The following POM121C variants were observed in gnomAD, a reference collection of about 807,000 sequenced individuals.
POM121C encodes nuclear envelope pore membrane protein POM 121C.
POM121C carries 20 observed loss-of-function variants against 66.4 expected under a neutral mutation model. The ratio of observed to expected loss-of-function variants is 0.30; its 90% CI spans 0.21 to 0.44. POM121C has a LOEUF of 0.44. Ranked by LOEUF, POM121C falls within the 20% of genes least tolerant of loss-of-function variation. The pLI is 1.00. For synonymous variants in POM121C, 286 were observed against 528.0 expected (o/e 0.54, Z 6.28); for missense variants, 580 against 1,225.7 (o/e 0.47, Z 7.87).
chr7:75,417,359 T>TA lies in POM121C; in HGVS notation c.*1436dup, dbSNP rs1169027590. 4 of 864,040 alleles carry TA rather than the reference T, an allele frequency of 4.6e-6. No homozygotes were observed. Among genetic ancestry groups the TA allele is most frequent in the Non-Finnish European group, 5.6e-6 (4 of 718,936 alleles). The allele number at this position is 864,040 out of a possible 1,614,324, so 53.5% of individuals were successfully genotyped here. A position where few individuals can be genotyped will look rare whatever the true frequency, so the allele number is the denominator to read the frequency against. ...GCTAATTCCTAGTTAATAGCATTTA[T>TA]ACTTAACCACCTCAATGAACCAAGC... is the stretch of plus-strand genomic sequence containing the variant. On this transcript the variant is annotated 3_prime_UTR_variant, in exon 15 of 15. Transcript: ENST00000615331.
intron 3 of POM121C, among the ~76,000 whole-genome samples, chr7:75,454,704 G>C (rs1475145336): frequency 1.3e-5 from 2 of 152,238 alleles, no homozygotes; most frequent in Non-Finnish European, 2.9e-5. Flanking sequence ...AGGAAGACTG[G>C]AAAAAAGAAC....
chr7:75,424,193 G>T lies in POM121C; in HGVS notation c.904C>A (p.Pro302Thr), dbSNP rs236666. The change falls in exon 12 of 15, where the codon CCT becomes ACT. Residue 302 changes from proline to threonine, a missense_variant. Transcript: ENST00000615331. ...AAGGTAAATGAAGGCTGAGTGGTAG[G>T]TGGGGTCTCAGTGACAGAGTTCGAG... ...AASNSVTETP[P>T]TTQPSFTFTL... The T allele has an allele frequency of 0.015, 24,712 of 1,612,014 alleles. 251 individuals carry two copies. Among genetic ancestry groups the T allele is most frequent in the Non-Finnish European group, 0.016 (19,324 of 1,179,860 alleles).
intron 1 of POM121C, among the ~76,000 whole-genome samples, chr7:75,479,579 G>A (rs1309226379): frequency 1.4e-5 from 2 of 146,044 alleles, no homozygotes; most frequent in Non-Finnish European, 2.9e-5. Context: ...TAGCACCCCT[G>A]CACTCCAGCC....
At chr7:75,419,189 A>G in intron 14 of POM121C, 131 bp downstream of exon 14, 1 of 1,400,590 alleles carries the variant, frequency 7.1e-7, no homozygotes, top group Non-Finnish European at 9.5e-7. Context: ...GCTGTGCTGT[A>G]CTCCTAACCC....
chr7:75,432,171 C>T (rs1236285254), intron 7 of POM121C, among the ~76,000 whole-genome samples: 6 of 111,142 alleles, frequency 5.4e-5, no homozygotes, highest in Non-Finnish European at 1.0e-4. Flanking sequence ...GGTGACAGAG[C>T]GAGAATCTGT....
At chr7:75,482,347 G>A (rs10244237) in intron 1 of POM121C, among the ~76,000 whole-genome samples, 2,329 of 152,280 alleles carry the variant, frequency 0.015, 18 homozygotes, top group African/African-American at 0.025. Flanking sequence ...AGGCTAAAGT[G>A]AAAGGACTGC....
At chr7:75,427,827 A>T (rs1260620811) in intron 7 of POM121C, among the ~76,000 whole-genome samples, 1 of 152,220 alleles carries the variant, frequency 6.6e-6, no homozygotes, top group Non-Finnish European at 1.5e-5. Flanking sequence ...TAAGAGTTCA[A>T]AAAGGGAAAA....
In POM121C at chr7:75,421,462, G is replaced by C. The variant is rs1248251062; in HGVS notation, c.2743+47C>G. On this transcript the variant is annotated intron_variant, in intron 13 of 14. Transcript: ENST00000615331. The stretch of plus-strand genomic sequence containing the variant: ...CGAGACCACAGGCTTCACAGGCACA[G>C]CTTTTCAGTGTCCGGCCCGGTAGCC... The C allele has an allele frequency of 2.5e-6, 4 of 1,610,072 alleles. No individual in the cohort carries two copies. The Admixed American group carries it at 6.7e-5, about 27-fold the overall frequency.
chr7:75,461,091 A>G (rs1584697502), intron 3 of POM121C, among the ~76,000 whole-genome samples: 1 of 152,250 alleles, frequency 6.6e-6, no homozygotes, highest in South Asian at 2.1e-4. Flanking sequence ...AAAAGTAACA[A>G]AAGGGGAGCT....
intron 10 of POM121C, 61 bp downstream of exon 10, chr7:75,425,013 C>T (rs1364265323): frequency 1.9e-5 from 29 of 1,532,802 alleles, no homozygotes; most frequent in Admixed American, 4.5e-5. Flanking sequence ...TTGTCCTTAG[C>T]GTTCCTAAGA....
chr7:75,458,010 T>C (rs1166390900), intron 3 of POM121C, among the ~76,000 whole-genome samples: 2 of 152,300 alleles, frequency 1.3e-5, no homozygotes, highest in Non-Finnish European at 2.9e-5. Context: ...TATTTTCGCA[T>C]TGAAAATCAG....
intron 7 of POM121C, among the ~76,000 whole-genome samples, chr7:75,432,184 C>CAAAAAAAAAAAAAAAAAAAAAAA (rs57890055): frequency 9.3e-6 from 1 of 107,748 alleles, no homozygotes; most frequent in Non-Finnish European, 1.9e-5. Context: ...GAATCTGTCT[C>CAAAAAAAAAAAAAAAAAAAAAAA]AAAAAAAAAA....
At chr7:75,477,978 TTTTTTGA>T (rs1792155195) in intron 1 of POM121C, among the ~76,000 whole-genome samples, 1 of 152,158 alleles carries the variant, frequency 6.6e-6, no homozygotes, top group African/African-American at 2.4e-5. Context: ...TTGTTTTTTG[TTTTTTGA>T]GATGAAGTCT....
intron 3 of POM121C, among the ~76,000 whole-genome samples, chr7:75,457,806 A>G (rs1791290564): frequency 6.6e-6 from 1 of 152,248 alleles, no homozygotes; most frequent in Non-Finnish European, 1.5e-5. Flanking sequence ...TCCTAATATA[A>G]CGTCGTGTAC....
At chr7:75,452,823 C>T (rs1256525067) in intron 3 of POM121C, among the ~76,000 whole-genome samples, 1 of 152,306 alleles carries the variant, frequency 6.6e-6, no homozygotes, top group African/African-American at 2.4e-5. Flanking sequence ...TCTCTTCACC[C>T]TCTTCCCTGA....
chr7:75,464,885 A>G (rs1420921421), intron 3 of POM121C, among the ~76,000 whole-genome samples: 6 of 137,250 alleles, frequency 4.4e-5, no homozygotes, highest in Non-Finnish European at 7.9e-5. Context: ...AAAAAAAAGT[A>G]TAGAAATGGA....
At chr7:75,474,972 A>C (rs1218535627) in intron 2 of POM121C, 90 bp from the exon 3 acceptor site, 7 of 1,414,790 alleles carry the variant, frequency 4.9e-6, no homozygotes, top group Non-Finnish European at 7.0e-6. Context: ...AGTGCCCACA[A>C]GGAATTAAAT....
Position 75,425,701 on chromosome 7 carries a change from C to G in POM121C, c.580G>C (p.Glu194Gln). The change falls in exon 9 of 15, where the codon GAG (glutamate) becomes CAG (glutamine). Residue 194 changes from glutamate (E) to glutamine (Q), a missense_variant. Coordinates refer to ENST00000615331, the MANE Select transcript of POM121C (RefSeq NM_001099415.3). ...GAAGAACTGGAATGATGACACAGCT[C>G]TTCTTCTCTGTTGGGAAAAAAGGAA... ...ERPAKKIREEELCHHSSSSTP... is the reference protein window; with the variant it reads ...ERPAKKIREEQLCHHSSSSTP... 6.2e-7 allele frequency: 1 copy of G among 1,612,600 alleles called. No individual in the cohort carries two copies. Among genetic ancestry groups the G allele is most frequent in the Middle Eastern group, 1.7e-4 (1 of 6,056 alleles).
At chr7:75,435,544 T>A (rs1186434416) in intron 7 of POM121C, among the ~76,000 whole-genome samples, 1 of 152,210 alleles carries the variant, frequency 6.6e-6, no homozygotes. Context: ...TAGAAATCCC[T>A]GTAACTTTCA....
Sources: allele counts gnomAD v4.1 joint callset (sites outside exome capture counted in the v4.1 genomes callset), GRCh38; gene constraint gnomAD v4.1.1; transcripts MANE v1.5; gene names NCBI Gene and HGNC (gene_info 2026-07-23, HGNC 2026-07-21).